The following NCOA7 variants were observed in gnomAD, a reference collection of about 807,000 sequenced individuals.
The protein encoded by NCOA7 is nuclear receptor coactivator 7.
A neutral mutation model predicts 104.3 loss-of-function variants in NCOA7; 45 were observed. The ratio of observed to expected loss-of-function variants is 0.43; its 90% CI spans 0.34 to 0.55. The LOEUF is 0.55. Among genes scored for constraint, NCOA7 ranks in the 20% least tolerant of loss-of-function variants. The pLI is 0.02. For missense variants in NCOA7, 1,041 were observed against 1,119.7 expected (o/e 0.93, Z 1.00); for synonymous variants, 398 against 402.3 (o/e 0.99, Z 0.13).
chr6:125,901,371 C>G lies in NCOA7; in HGVS notation c.2096+10561C>G, dbSNP rs146910001. ...ATAGGGCAATAATTCCTTAACTGTTCTGGGTTATTTTGAGTACGTTTGTTG... is the reference window on the plus strand; with the variant it reads ...ATAGGGCAATAATTCCTTAACTGTTGTGGGTTATTTTGAGTACGTTTGTTG... On this transcript the variant is annotated intron_variant, in intron 10 of 15. Transcript: ENST00000392477. Among the ~76,000 whole-genome samples the G allele has an allele frequency of 7.9e-3, 1,209 of 152,298 alleles. 11 individuals carry two copies. The highest frequency in any genetic ancestry group is 0.028 in the African/African-American group (1,167 of 41,566).
intron 13 of NCOA7, among the ~76,000 whole-genome samples, chr6:125,924,771 C>T (rs898300453): frequency 6.6e-6 from 1 of 152,162 alleles, no homozygotes; most frequent in Non-Finnish European, 1.5e-5. Flanking sequence ...CCTAACCCCC[C>T]GCTGAGACTG....
intron 10 of NCOA7, among the ~76,000 whole-genome samples, chr6:125,895,574 T>C: frequency 6.6e-6 from 1 of 152,200 alleles, no homozygotes; most frequent in Non-Finnish European, 1.5e-5. Flanking sequence ...GAAATACCTG[T>C]GACTGGTTAA....
Position 125,889,027 on chromosome 6 carries a change from T to G in NCOA7, c.973T>G (p.Phe325Val). 1 of 1,613,980 alleles carries G rather than the reference T, an allele frequency of 6.2e-7. No homozygotes were observed. The highest frequency in any genetic ancestry group is 8.5e-7 in the Non-Finnish European group (1 of 1,179,924). ...SEKDINPFSK[F>V]KSINKEKRQQ... ...AAAGGATATCAACCCATTCAGTAAGTTCAAATCTATCAACAAGGAAAAACG... is the reference window on the plus strand; with the variant it reads ...AAAGGATATCAACCCATTCAGTAAGGTCAAATCTATCAACAAGGAAAAACG... Residue 325 changes from phenylalanine (F) to valine (V), a missense_variant, in exon 9 of 16, where the codon TTC becomes GTC. Physicochemically the swap from Phe to Val is conservative, Grantham distance 50 (BLOSUM62 -1). Transcript: ENST00000392477.
chr6:125,883,944 C>T (rs1784058535), intron 7 of NCOA7, among the ~76,000 whole-genome samples: 1 of 152,120 alleles, frequency 6.6e-6, no homozygotes, highest in Admixed American at 6.5e-5. Context: ...GTCTCAAACT[C>T]CTGACCTCAG....
chr6:125,785,439 G>T (rs905259960), intron 1 of NCOA7, among the ~76,000 whole-genome samples: 49 of 152,008 alleles, frequency 3.2e-4, no homozygotes, highest in African/African-American at 1.2e-3. Flanking sequence ...CATTAATCAT[G>T]GGGAGAAAAC....
chr6:125,805,125 TCG>T (rs1436667508), intron 1 of NCOA7, among the ~76,000 whole-genome samples: 5 of 133,104 alleles, frequency 3.8e-5, no homozygotes, highest in East Asian at 2.5e-4. Flanking sequence ...TGACAGAGTC[TCG>T]CTCCGTCGCC....
intron 3 of NCOA7, 167 bp downstream of exon 3, chr6:125,855,407 A>C (rs1354809230): frequency 1.4e-5 from 8 of 566,522 alleles, no homozygotes; most frequent in Non-Finnish European, 2.5e-5. Flanking sequence ...AGGGGATCAC[A>C]CTAAAATAAT....
rs200907300 is a variant in NCOA7 at position 125,897,041 on chromosome 6, CAA to C, written c.2096+6233_2096+6234del. 5.0e-3 allele frequency among the ~76,000 whole-genome samples: 755 copies of C among 152,322 alleles called. 6 individuals are homozygous for C. Among genetic ancestry groups the C allele is most frequent in the African/African-American group, 0.017 (709 of 41,568 alleles). ...TTATTACATAATGTCAAGCATAATT[CAA>C]AGTCTCACTATCTCATTATAATATT... On this transcript the variant is annotated intron_variant, in intron 10 of 15. Transcript: ENST00000392477.
chr6:125,853,745 T>C (rs1379599450), intron 2 of NCOA7, among the ~76,000 whole-genome samples: 1 of 152,216 alleles, frequency 6.6e-6, no homozygotes, highest in Non-Finnish European at 1.5e-5. Context: ...TATGTTGACA[T>C]GTATTATGTC....
intron 2 of NCOA7, among the ~76,000 whole-genome samples, chr6:125,838,226 G>C (rs1448668033): frequency 2.0e-5 from 3 of 152,114 alleles, no homozygotes; most frequent in African/African-American, 7.2e-5. Context: ...CCATCTTGAG[G>C]TCACGGAAAG....
At chr6:125,784,287 C>A (rs908302637) in intron 1 of NCOA7, among the ~76,000 whole-genome samples, 2 of 152,180 alleles carry the variant, frequency 1.3e-5, no homozygotes, top group Admixed American at 1.3e-4. Flanking sequence ...AAGGACACCA[C>A]ACTGAACAAA....
At chr6:125,781,616 TCTTA>T (rs1372163956) in intron 1 of NCOA7, among the ~76,000 whole-genome samples, 1 of 152,184 alleles carries the variant, frequency 6.6e-6, no homozygotes, top group Non-Finnish European at 1.5e-5. Context: ...AGCTCTTAAC[TCTTA>T]CTTAAGGGGT....
intron 1 of NCOA7, among the ~76,000 whole-genome samples, chr6:125,807,931 C>T (rs1279959076): frequency 2.0e-5 from 3 of 152,158 alleles, no homozygotes; most frequent in African/African-American, 7.2e-5. Context: ...TACCTACACA[C>T]CCAACCCACA....
At chr6:125,876,982 A>G (rs918998507) in intron 4 of NCOA7, among the ~76,000 whole-genome samples, 1 of 152,186 alleles carries the variant, frequency 6.6e-6, no homozygotes, top group African/African-American at 2.4e-5. Flanking sequence ...ATGTTTTACA[A>G]GTTTACTCAT....
intron 2 of NCOA7, among the ~76,000 whole-genome samples, chr6:125,829,511 C>A (rs1399897219): frequency 6.6e-6 from 1 of 152,210 alleles, no homozygotes; most frequent in South Asian, 2.1e-4. Flanking sequence ...ACTTGATATA[C>A]GTTGTGTTTG....
chr6:125,882,536 C>T lies in NCOA7; in HGVS notation c.684C>T (p.Tyr228=). The T allele has an allele frequency of 6.2e-7, 1 of 1,613,002 alleles. No individual in the cohort carries two copies. Among genetic ancestry groups the T allele is most frequent in the Non-Finnish European group, 8.5e-7 (1 of 1,179,454 alleles). Residue 228 remains tyrosine (Y), a synonymous_variant, in exon 7 of 16, where the codon TAC becomes TAT. Coordinates refer to ENST00000392477, the MANE Select transcript of NCOA7 (RefSeq NM_181782.5). ...AATTTTTAAAAATGAATTGTCGATA[C>T]TTCACCGATGGAAAGGTATATAGCA... ...VVKFLKMNCR[Y]FTDGKGVVGG... is the part of the protein sequence containing the mutation.
chr6:125,849,008 C>CAGGCTGCAT (rs1562899972), intron 2 of NCOA7, among the ~76,000 whole-genome samples: 1 of 152,088 alleles, frequency 6.6e-6, no homozygotes, highest in African/African-American at 2.4e-5. Flanking sequence ...CAGCATATCT[C>CAGGCTGCAT]AGAACATGGG....
chr6:125,788,042 C>T (rs1774550574), upstream of NCOA7, among the ~76,000 whole-genome samples: 1 of 152,136 alleles, frequency 6.6e-6, no homozygotes, highest in African/African-American at 2.4e-5. Context: ...TAAAGATTAC[C>T]ATGTTCTTAA....
chr6:125,920,830 T>C, intron 11 of NCOA7, 113 bp from the exon 12 acceptor site: 1 of 1,365,194 alleles, frequency 7.3e-7, no homozygotes, highest in Non-Finnish European at 9.8e-7. Context: ...GTTGATTTCC[T>C]GCTGCCGAAG....
Sources: allele counts gnomAD v4.1 joint callset (sites outside exome capture counted in the v4.1 genomes callset), GRCh38; gene constraint gnomAD v4.1.1; transcripts MANE v1.5; gene names NCBI Gene and HGNC (gene_info 2026-07-23, HGNC 2026-07-21).